Variants in BCL2L13 observed in about 807,000 individuals in gnomAD.
BCL2L13 encodes the protein bcl-2-like protein 13.
BCL2L13 carries 13 observed loss-of-function variants against 25.8 expected under a neutral mutation model. The ratio of observed to expected loss-of-function variants is 0.50; its 90% CI spans 0.33 to 0.80. The LOEUF is 0.80. Among genes scored for constraint, BCL2L13 ranks in the 30% least tolerant of loss-of-function variants. The probability of loss-of-function intolerance (pLI) is 0.02; values close to 1 mark genes in which losing one functional copy is unlikely to be tolerated. For missense variants in BCL2L13, 504 were observed against 574.9 expected (o/e 0.88, Z 1.26); for synonymous variants, 244 against 230.3 (o/e 1.06, Z -0.54).
At chr22:17,694,295 G>A (rs1329580538) in intron 4 of BCL2L13, among the ~76,000 whole-genome samples, 2 of 151,930 alleles carry the variant, frequency 1.3e-5, no homozygotes, top group African/African-American at 2.4e-5. Context: ...TTAATGATTC[G>A]AGTTTTTGGT....
rs1275172094 is a variant in BCL2L13, at chr22:17,702,340, A to T, written c.554A>T (p.Tyr185Phe). The part of the protein sequence containing the change: ...LSALLQFGVT[Y>F]LEDYSAEYII... ...GCACTGCTGCAGTTTGGCGTGACAT[A>T]CCTGGAGGACTATTCGGCAGAGTAC... Residue 185 changes from tyrosine to phenylalanine, a missense_variant, in exon 6 of 7, where the codon TAC becomes TTC. Coordinates refer to ENST00000317582, the MANE Select transcript of BCL2L13 (RefSeq NM_015367.4). The T allele has an allele frequency of 3.1e-6, 5 of 1,611,820 alleles. No individual in the cohort carries two copies. The highest frequency in any genetic ancestry group is 4.2e-6 in the Non-Finnish European group (5 of 1,178,926).
chr22:17,728,964 C>G lies in BCL2L13; in HGVS notation c.*1430C>G, dbSNP rs1601821560. 2.0e-5 allele frequency: 3 copies of G among 152,148 alleles called. No individual in the cohort carries two copies. The highest frequency in any genetic ancestry group is 1.9e-4 in the East Asian group (1 of 5,192). The allele number at this position is 152,148 out of a possible 1,614,324, so 9.4% of individuals were successfully genotyped here. A position where few individuals can be genotyped will look rare whatever the true frequency, so the allele number is the denominator to read the frequency against. ...AGGGTAGACCCGTGTCTTTCCAGCC[C>G]TAAAGGAAGGGCAGACCCGTGTCTT... On this transcript the variant is annotated 3_prime_UTR_variant, in exon 7 of 7. Coordinates refer to ENST00000317582, the MANE Select transcript of BCL2L13 (RefSeq NM_015367.4).
chr22:17,726,741 A>G lies in BCL2L13; in HGVS notation c.665A>G (p.Asn222Ser), dbSNP rs555196876. Residue 222 changes from asparagine (N) to serine (S), a missense_variant, in exon 7 of 7, where the codon AAT becomes AGT. Transcript: ENST00000317582. Reference protein sequence around the residue: ...EYPGITAEDSNDIYILPSDNS... With the variant: ...EYPGITAEDSSDIYILPSDNS... ...CCTGGAATCACTGCAGAAGATAGCAATGACATTTACATCCTGCCCAGCGAC... is the reference window on the plus strand; with the variant it reads ...CCTGGAATCACTGCAGAAGATAGCAGTGACATTTACATCCTGCCCAGCGAC... 6.8e-6 allele frequency: 11 copies of G among 1,614,130 alleles called. No individual in the cohort carries two copies. The highest frequency in any genetic ancestry group is 2.7e-5 in the African/African-American group (2 of 75,060).
Position 17,709,602 on chromosome 22 carries a change from GATAA to G in BCL2L13, c.600+7227_600+7230del, listed in dbSNP as rs553877282. Reference sequence around the variant, plus strand: ...CAGAGAGAGACTCTGTCTCAGGAAAGATAAATAAATAAATGAAATAAAAAATAGA... The same window carrying G: ...CAGAGAGAGACTCTGTCTCAGGAAAGATAAATAAATGAAATAAAAAATAGA... On this transcript the variant is annotated intron_variant, in intron 6 of 6. Coordinates refer to ENST00000317582, the MANE Select transcript of BCL2L13 (RefSeq NM_015367.4). 4.4e-4 allele frequency among the ~76,000 whole-genome samples: 67 copies of G among 152,080 alleles called. 2 individuals carry two copies. In the East Asian group the frequency reaches 0.012, roughly 28 times the overall value.
intron 1 of BCL2L13, among the ~76,000 whole-genome samples, chr22:17,640,755 C>T (rs1214196751): frequency 6.6e-6 from 1 of 151,398 alleles, no homozygotes; most frequent in African/African-American, 2.4e-5. Flanking sequence ...AAGACTGAGG[C>T]GAGAGGGAGG....
At chr22:17,639,442 G>A (rs1177939702) in intron 1 of BCL2L13, among the ~76,000 whole-genome samples, 2 of 152,208 alleles carry the variant, frequency 1.3e-5, no homozygotes, top group East Asian at 3.8e-4. Context: ...TTCACACGGA[G>A]TCATTTTCCC....
chr22:17,645,219 A>AG (rs1178593572), intron 1 of BCL2L13, among the ~76,000 whole-genome samples: 1 of 138,724 alleles, frequency 7.2e-6, no homozygotes, highest in Non-Finnish European at 1.5e-5. Flanking sequence ...AAGAACTAAT[A>AG]GTAGGATTTT....
At chr22:17,716,619 T>G (rs1212710660) in intron 6 of BCL2L13, among the ~76,000 whole-genome samples, 2 of 152,196 alleles carry the variant, frequency 1.3e-5, no homozygotes, top group Non-Finnish European at 2.9e-5. Flanking sequence ...AAATTTATGT[T>G]TGGTTTCCTA....
chr22:17,711,304 C>CTTTTTTTTTTTTTTTTTTTTTTTTT (rs765639315), intron 6 of BCL2L13, among the ~76,000 whole-genome samples: 1 of 125,388 alleles, frequency 8.0e-6, no homozygotes, highest in Non-Finnish European at 1.7e-5. Flanking sequence ...CATGATGGGC[C>CTTTTTTTTTTTTTTTTTTTTTTTTT]TTTTTTTTTT....
upstream of BCL2L13, among the ~76,000 whole-genome samples, chr22:17,637,054 C>G (rs1601440635): frequency 6.6e-6 from 1 of 152,096 alleles, no homozygotes; most frequent in African/African-American, 2.4e-5. Flanking sequence ...AGGCGGATCT[C>G]TTGAGGTCAG....
intron 5 of BCL2L13, among the ~76,000 whole-genome samples, chr22:17,696,536 G>T (rs2060269504): frequency 2.0e-5 from 3 of 152,088 alleles, no homozygotes; most frequent in Admixed American, 2.0e-4. Flanking sequence ...TGGGGAAAAA[G>T]AATACAGACT....
intron 6 of BCL2L13, among the ~76,000 whole-genome samples, chr22:17,710,676 A>T (rs2145755086): frequency 6.6e-6 from 1 of 152,236 alleles, no homozygotes; most frequent in South Asian, 2.1e-4. Flanking sequence ...GGAGATCGAG[A>T]CCATCCTGGC....
chr22:17,656,130 C>G (rs539499525), intron 2 of BCL2L13, among the ~76,000 whole-genome samples: 7 of 150,866 alleles, frequency 4.6e-5, no homozygotes, highest in African/African-American at 1.5e-4. Flanking sequence ...AGTCCAGCTA[C>G]TCAGGAGGCT....
intron 6 of BCL2L13, among the ~76,000 whole-genome samples, chr22:17,719,049 G>A (rs1451789121): frequency 1.3e-5 from 2 of 151,032 alleles, no homozygotes; most frequent in Non-Finnish European, 2.9e-5. Context: ...AGCTACTTGG[G>A]AGGCTGAGGC....
upstream of BCL2L13, chr22:17,638,030 C>G (rs990122121): frequency 5.9e-5 from 9 of 152,186 alleles, no homozygotes; most frequent in African/African-American, 2.2e-4. Flanking sequence ...TCAATGCCCT[C>G]CTTGTTCCAA....
At chr22:17,687,486 G>A (rs754170674) in intron 3 of BCL2L13, among the ~76,000 whole-genome samples, 7 of 152,050 alleles carry the variant, frequency 4.6e-5, no homozygotes, top group African/African-American at 1.2e-4. Context: ...GACTATAGGC[G>A]TGTGCCACAG....
intron 1 of BCL2L13, among the ~76,000 whole-genome samples, chr22:17,632,752 CTTTTTTTT>C (rs67358246): frequency 8.0e-6 from 1 of 124,382 alleles, no homozygotes; most frequent in Non-Finnish European, 1.7e-5. Context: ...GATTCTTCTT[CTTTTTTTT>C]TTTTTTTTTT....
intron 4 of BCL2L13, among the ~76,000 whole-genome samples, chr22:17,695,040 C>T (rs372110722): frequency 1.5e-5 from 2 of 136,742 alleles, no homozygotes; most frequent in East Asian, 2.3e-4. Context: ...GGTGTGGCCA[C>T]GTAGCAATGC....
Position 17,655,848 on chromosome 22 carries a change from T to C in BCL2L13, c.121+16T>C. On this transcript the variant is annotated intron_variant, in intron 2 of 6. Transcript: ENST00000317582. The stretch of plus-strand genomic sequence containing the variant: ...TCACCCCAAGGTATTATCTTTGGCT[T>C]ATGGTGGTTATAGTAAATTGTAATA... The C allele has an allele frequency of 6.2e-7, 1 of 1,601,152 alleles. No individual in the cohort carries two copies. The highest frequency in any genetic ancestry group is 8.5e-7 in the Non-Finnish European group (1 of 1,175,586).
Sources: gnomAD v4.1 joint callset for allele counts (sites outside exome capture counted in the v4.1 genomes callset) on GRCh38, gnomAD v4.1.1 for gene constraint, MANE v1.5 for transcripts, NCBI Gene and HGNC (gene_info 2026-07-23, HGNC 2026-07-21) for gene names.